CECR2: variants seen among roughly 807,000 people sequenced by gnomAD.
CECR2 encodes the protein CECR2 histone acetyl-lysine reader, also known as chromatin remodeling regulator CECR2.
CECR2 carries 30 observed loss-of-function variants against 154.5 expected under a neutral mutation model. The ratio of observed to expected loss-of-function variants is 0.19; its 90% CI spans 0.15 to 0.26. The LOEUF (loss-of-function observed/expected upper bound fraction) is 0.26. Ranked by LOEUF, CECR2 falls within the 10% of genes least tolerant of loss-of-function variation. The pLI is 1.00. For missense variants in CECR2, 1,743 were observed against 1,829.3 expected (o/e 0.95, Z 0.86); for synonymous variants, 725 against 683.7 (o/e 1.06, Z -0.94).
At chr22:17,405,444 GATAAA>G (rs1299127928) in intron 1 of CECR2, among the ~76,000 whole-genome samples, 3 of 138,016 alleles carry the variant, frequency 2.2e-5, no homozygotes, top group African/African-American at 5.5e-5. Context: ...GATAAAATAA[GATAAA>G]ATAAAAAATA....
upstream of CECR2, among the ~76,000 whole-genome samples, chr22:17,367,866 AACGTAGGCTTGGCTTTTTGGGAGCAGTC>A (rs1478752108): frequency 6.6e-6 from 1 of 152,148 alleles, no homozygotes; most frequent in Non-Finnish European, 1.5e-5. Flanking sequence ...AACACACACA[AACGTAGGCTTGGCTTTTTGGGAGCAGTC>A]ACATGTGAGC....
intron 1 of CECR2, among the ~76,000 whole-genome samples, chr22:17,378,392 G>T (rs1347168739): frequency 6.7e-6 from 1 of 150,008 alleles, no homozygotes; most frequent in African/African-American, 2.5e-5. Context: ...TGCCTCCCGG[G>T]TTCACACCAT....
intron 1 of CECR2, among the ~76,000 whole-genome samples, chr22:17,392,028 T>C (rs1045664977): frequency 1.3e-5 from 2 of 152,260 alleles, no homozygotes; most frequent in African/African-American, 4.8e-5. Context: ...TCTCGAACTC[T>C]CGAACTCCCA....
chr22:17,420,046 T>C (rs2054221717), intron 1 of CECR2, among the ~76,000 whole-genome samples: 1 of 152,152 alleles, frequency 6.6e-6, no homozygotes, highest in African/African-American at 2.4e-5. Flanking sequence ...AGAAAACAAA[T>C]TGGATGTATT....
intron 1 of CECR2, among the ~76,000 whole-genome samples, chr22:17,407,063 G>T (rs2053995115): frequency 6.6e-6 from 1 of 152,128 alleles, no homozygotes; most frequent in South Asian, 2.1e-4. Flanking sequence ...TTGATAACTT[G>T]AGTATTAGCT....
chr22:17,415,167 T>C (rs1020510088), intron 1 of CECR2, among the ~76,000 whole-genome samples: 2 of 152,194 alleles, frequency 1.3e-5, no homozygotes, highest in Non-Finnish European at 2.9e-5. Flanking sequence ...GACATATGGC[T>C]TGTAGTCTCA....
At chr22:17,366,631 C>G (rs2063003490), upstream of CECR2, among the ~76,000 whole-genome samples, 1 of 152,054 alleles carries the variant, frequency 6.6e-6, no homozygotes, top group Admixed American at 6.6e-5. Context: ...GGTCATTAAT[C>G]TAGATTCTAG....
chr22:17,426,824 G>A lies in CECR2; in HGVS notation c.127-50764G>A, dbSNP rs188788465. ...TCTCTCTGTGTCCTATAAATTGGTG[G>A]TTAAATTTGATCAAATTCAGATTTA... On this transcript the variant is annotated intron_variant, in intron 1 of 18. Transcript: ENST00000262608. Among the ~76,000 whole-genome samples the A allele has an allele frequency of 7.9e-5, 12 of 151,942 alleles. No homozygotes were observed. The East Asian group carries it at 2.3e-3, about 29-fold the overall frequency.
intron 1 of CECR2, among the ~76,000 whole-genome samples, chr22:17,397,758 A>G (rs961236126): frequency 6.6e-6 from 1 of 152,176 alleles, no homozygotes; most frequent in Non-Finnish European, 1.5e-5. Context: ...CGGCCTCCCA[A>G]AGTGCTGGGA....
At chr22:17,489,558 C>T (rs1300621480) in intron 2 of CECR2, among the ~76,000 whole-genome samples, 1 of 152,194 alleles carries the variant, frequency 6.6e-6, no homozygotes, top group Non-Finnish European at 1.5e-5. Context: ...TGGGCTCAAA[C>T]AGTCCTCCGG....
At chr22:17,463,300 T>A (rs192612635) in intron 1 of CECR2, among the ~76,000 whole-genome samples, 40 of 152,266 alleles carry the variant, frequency 2.6e-4, no homozygotes, top group African/African-American at 8.9e-4. Flanking sequence ...ATATAAACTT[T>A]GGATTTAGTT....
intron 1 of CECR2, among the ~76,000 whole-genome samples, chr22:17,408,584 C>T (rs938638847): frequency 3.3e-5 from 5 of 152,140 alleles, no homozygotes; most frequent in Non-Finnish European, 4.4e-5. Flanking sequence ...AAGATGTTTC[C>T]GAAACACCAT....
At chr22:17,437,990 A>T (rs1190791868) in intron 1 of CECR2, among the ~76,000 whole-genome samples, 2 of 152,176 alleles carry the variant, frequency 1.3e-5, no homozygotes, top group Non-Finnish European at 2.9e-5. Context: ...GTTAATGAAA[A>T]TTTTTTTCTG....
chr22:17,428,798 T>TTGTGTGTG lies in CECR2; in HGVS notation c.127-48768_127-48761dup, dbSNP rs60474818. 1.0e-2 allele frequency among the ~76,000 whole-genome samples: 1,359 copies of TTGTGTGTG among 136,392 alleles called. 10 individuals carry two copies. The highest frequency in any genetic ancestry group is 0.018 in the Middle Eastern group (5 of 274). 89.5% of individuals were successfully genotyped at this position (136,392 alleles called of 152,430 possible). A position where few individuals can be genotyped will look rare whatever the true frequency, so the allele number is the denominator to read the frequency against. On this transcript the variant is annotated intron_variant, in intron 1 of 18. Coordinates refer to ENST00000262608, the MANE Select transcript of CECR2 (RefSeq NM_001290047.2). The stretch of plus-strand genomic sequence containing the variant: ...CAGATGAGAAAAATAATGTTTTTAT[T>TTGTGTGTG]TGTGTGTGTGTGTGTGTGTGTGTGT...
intron 1 of CECR2, among the ~76,000 whole-genome samples, chr22:17,375,839 C>T (rs1212722100): frequency 6.6e-6 from 1 of 152,020 alleles, no homozygotes; most frequent in Non-Finnish European, 1.5e-5. Context: ...CCTGTAATCC[C>T]AGCTACTTGG....
intron 1 of CECR2, among the ~76,000 whole-genome samples, chr22:17,428,826 G>GTA (rs1555908344): frequency 5.3e-5 from 8 of 150,710 alleles, no homozygotes; most frequent in African/African-American, 1.5e-4. Context: ...GTGTGTGTGT[G>GTA]TATATAAAGG....
Position 17,537,175 on chromosome 22 carries a change from A to G in CECR2, c.1181A>G (p.Glu394Gly), listed in dbSNP as rs1452480243. Residue 394 changes from glutamate to glycine, a missense_variant, in exon 10 of 19, where the codon GAA becomes GGA. Physicochemically the swap from Glu to Gly is moderately conservative, Grantham distance 98 (BLOSUM62 -2). Coordinates refer to ENST00000262608, the MANE Select transcript of CECR2 (RefSeq NM_001290047.2). ...LLAQGKELPP[E>G]LSHLDPNSPM... is the part of the protein sequence containing the mutation. Reference sequence around the variant, plus strand: ...GCTCAAGGAAAGGAGCTCCCTCCAGAACTTTCCCATCTGGACCCCAATTCC... The same window carrying G: ...GCTCAAGGAAAGGAGCTCCCTCCAGGACTTTCCCATCTGGACCCCAATTCC... The G allele has an allele frequency of 1.2e-6, 2 of 1,613,994 alleles. No individual in the cohort carries two copies. The highest frequency in any genetic ancestry group is 1.7e-6 in the Non-Finnish European group (2 of 1,179,872).
rs139206320 is a variant in CECR2 at position 17,407,960 on chromosome 22, C to T, written c.126+38051C>T. 2.3e-3 allele frequency among the ~76,000 whole-genome samples: 349 copies of T among 152,256 alleles called. 7 individuals carry two copies. The highest frequency in any genetic ancestry group is 3.3e-3 in the Non-Finnish European group (225 of 68,010). Reference sequence around the variant, plus strand: ...TAGAACATGGGTGTCCGAAACTGTACCTTTGGTGACTAATAATCTTGTCAT... The same window carrying T: ...TAGAACATGGGTGTCCGAAACTGTATCTTTGGTGACTAATAATCTTGTCAT... On this transcript the variant is annotated intron_variant, in intron 1 of 18. Transcript: ENST00000262608.
At chr22:17,522,998 C>G (rs1057342464) in intron 8 of CECR2, among the ~76,000 whole-genome samples, 2 of 150,376 alleles carry the variant, frequency 1.3e-5, no homozygotes, top group Non-Finnish European at 3.0e-5. Context: ...AAGCAAGACT[C>G]CATCTCGGGG....
Sources: gnomAD v4.1 joint callset for allele counts (sites outside exome capture counted in the v4.1 genomes callset) on GRCh38, gnomAD v4.1.1 for gene constraint, MANE v1.5 for transcripts, NCBI Gene and HGNC (gene_info 2026-07-23, HGNC 2026-07-21) for gene names.